The following INSR variants were observed in gnomAD, a reference collection of about 807,000 sequenced individuals.
The protein encoded by INSR is IR.
INSR carries 67 observed loss-of-function variants against 142.6 expected under a neutral mutation model. That is an observed-to-expected ratio of 0.47 (90% CI 0.39 to 0.58). The LOEUF is 0.58. Among genes scored for constraint, INSR ranks in the 20% least tolerant of loss-of-function variants. INSR has a pLI of 0.00. For synonymous variants in INSR, 756 were observed against 743.1 expected, an observed-to-expected ratio of 1.02 and a Z score of -0.28; for missense variants, 1,248 against 1,833.2, an observed-to-expected ratio of 0.68 and a Z score of 5.83.
intron 1 of INSR, among the ~76,000 whole-genome samples, chr19:7,282,180 C>T (rs1462871329): frequency 6.6e-6 from 1 of 152,010 alleles, no homozygotes; most frequent in Non-Finnish European, 1.5e-5. Context: ...GCCTGGCCAA[C>T]ATGGTGAAAC....
rs1329146999 is a variant in INSR at position 7,173,917 on chromosome 19, C to T, written c.1123+666G>A. ...GATTACAGGCATGAGCCACTGCACC[C>T]GGCCCTGAGATTTATTTCTGAAAAC... On this transcript the variant is annotated intron_variant, in intron 4 of 21. Transcript: ENST00000302850. Among the ~76,000 whole-genome samples the T allele has an allele frequency of 2.6e-5, 4 of 152,050 alleles. No individual in the cohort carries two copies. The East Asian group carries it at 7.8e-4, about 30-fold the overall frequency.
intron 10 of INSR, among the ~76,000 whole-genome samples, chr19:7,151,549 G>C (rs1973361562): frequency 6.6e-6 from 1 of 151,286 alleles, no homozygotes; most frequent in Non-Finnish European, 1.5e-5. Context: ...GCCTCCCAAA[G>C]TGCTGGGATT....
At chr19:7,201,667 C>CTTTTTTT (rs570519539) in intron 2 of INSR, among the ~76,000 whole-genome samples, 10,191 of 127,362 alleles carry the variant, frequency 0.08, 622 homozygotes, top group African/African-American at 0.12. Flanking sequence ...TATTTTCATT[C>CTTTTTTT]TTTTTTTTTT....
intron 2 of INSR, among the ~76,000 whole-genome samples, chr19:7,244,250 T>C (rs549430642): frequency 6.6e-6 from 1 of 152,072 alleles, no homozygotes; most frequent in East Asian, 1.9e-4. Context: ...TTGAACAAAT[T>C]GGCTGGGCGC....
intron 9 of INSR, among the ~76,000 whole-genome samples, chr19:7,162,786 C>T (rs1227765189): frequency 6.6e-6 from 1 of 152,036 alleles, no homozygotes; most frequent in African/African-American, 2.4e-5. Context: ...CGTCATTGCA[C>T]TCCAGCCTGG....
rs531613079 is a variant in INSR, at chr19:7,124,541, GAAAAA to G, written c.3258+737_3258+741del. ...ACAACAAAGCGAGACTCCGTTTCAG[GAAAAA>G]AAAAAAAAAAAAAAAAAAAAAAAAA... On this transcript the variant is annotated intron_variant, in intron 17 of 21. Coordinates refer to ENST00000302850, the MANE Select transcript of INSR (RefSeq NM_000208.4). Among the ~76,000 whole-genome samples, 3 of 9,924 alleles carry G rather than the reference GAAAAA, an allele frequency of 3.0e-4. 1 individual carries two copies. Among genetic ancestry groups the G allele is most frequent in the Non-Finnish European group, 1.6e-4 (1 of 6,074 alleles). 6.5% of individuals were successfully genotyped at this position (9,924 alleles called of 152,430 possible).
chr19:7,265,383 G>A (rs143030939), intron 2 of INSR, among the ~76,000 whole-genome samples: 213 of 152,160 alleles, frequency 1.4e-3, no homozygotes, highest in Admixed American at 2.3e-3. Context: ...GAAACGAAAC[G>A]CCCGTTGAGT....
rs111519845 is a variant in INSR at position 7,263,192 on chromosome 19, T to C, written c.652+4153A>G. Reference sequence around the variant, plus strand: ...CACTCGGAAGGCTGAGGCAGGAGAATCATTTGAATCCAGGAGGCGGAGGTT... The same window carrying C: ...CACTCGGAAGGCTGAGGCAGGAGAACCATTTGAATCCAGGAGGCGGAGGTT... On this transcript the variant is annotated intron_variant, in intron 2 of 21. Transcript: ENST00000302850. Among the ~76,000 whole-genome samples the C allele has an allele frequency of 5.7e-3, 863 of 151,484 alleles. 6 individuals carry two copies. Among genetic ancestry groups the C allele is most frequent in the African/African-American group, 0.02 (818 of 41,246 alleles).
At chr19:7,155,459 A>C (rs2144906534) in intron 9 of INSR, among the ~76,000 whole-genome samples, 2 of 149,666 alleles carry the variant, frequency 1.3e-5, no homozygotes, top group South Asian at 4.2e-4. Context: ...AATCACTTGA[A>C]CCTGGAAGGC....
intron 4 of INSR, among the ~76,000 whole-genome samples, chr19:7,173,743 CTG>C (rs1974073057): frequency 6.6e-6 from 1 of 151,384 alleles, no homozygotes; most frequent in Admixed American, 6.6e-5. Context: ...CCTCAGCCTC[CTG>C]CGTAGCTGGG....
At chr19:7,131,428 C>G (rs1386377968) in intron 14 of INSR, among the ~76,000 whole-genome samples, 11 of 151,786 alleles carry the variant, frequency 7.2e-5, no homozygotes, top group Admixed American at 2.6e-4. Context: ...TCACTGCAAG[C>G]TCTGCTTCCC....
chr19:7,289,462 A>T (rs984813070), intron 1 of INSR, among the ~76,000 whole-genome samples: 2 of 149,562 alleles, frequency 1.3e-5, no homozygotes, highest in Non-Finnish European at 3.0e-5. Flanking sequence ...CTAGAATGCA[A>T]TGGTGTGATC....
chr19:7,294,272 C>T lies in INSR; in HGVS notation c.-381G>A, dbSNP rs1379004246. Among the ~76,000 whole-genome samples the T allele has an allele frequency of 6.7e-6, 1 of 148,666 alleles. No individual in the cohort carries two copies. Among genetic ancestry groups the T allele is most frequent in the Non-Finnish European group, 1.5e-5 (1 of 66,940 alleles). On this transcript the variant is annotated 5_prime_UTR_variant, in exon 1 of 22. Coordinates refer to ENST00000302850, the MANE Select transcript of INSR (RefSeq NM_000208.4). The stretch of plus-strand genomic sequence containing the variant: ...CTCCGGGACAGAGGGACGCGCGGAC[C>T]GACGGACTAGCTGACTGGCGGGCGG...
Position 7,117,034 on chromosome 19 carries a change from G to GC in INSR, c.*21dup. 1.3e-6 allele frequency: 2 copies of GC among 1,540,724 alleles called. No individual in the cohort carries two copies. Among genetic ancestry groups the GC allele is most frequent in the East Asian group, 2.5e-5 (1 of 40,522 alleles). On this transcript the variant is annotated 3_prime_UTR_variant, in exon 22 of 22. Transcript: ENST00000302850. ...AAAGCGAAAATGGGAACCCCTGCCC[G>GC]CCCCCGCCACGGTAGGCACTGTTAG...
intron 2 of INSR, among the ~76,000 whole-genome samples, chr19:7,227,478 G>A (rs1046301973): frequency 5.3e-5 from 8 of 152,062 alleles, no homozygotes; most frequent in African/African-American, 1.7e-4. Context: ...TCACCAAGTT[G>A]CCCAGGCTGG....
At chr19:7,183,837 C>T (rs1400433103) in intron 3 of INSR, among the ~76,000 whole-genome samples, 3 of 151,872 alleles carry the variant, frequency 2.0e-5, no homozygotes, top group Admixed American at 2.0e-4. Flanking sequence ...GGCAGGTGGA[C>T]CACCTGAGGT....
chr19:7,224,412 C>T (rs142271445), intron 2 of INSR, among the ~76,000 whole-genome samples: 308 of 152,190 alleles, frequency 2.0e-3, no homozygotes, highest in African/African-American at 6.2e-3. Flanking sequence ...CAAACAGAGG[C>T]GTGCAGCGAA....
chr19:7,124,035 C>T (rs1187479126), intron 17 of INSR, among the ~76,000 whole-genome samples: 2 of 151,582 alleles, frequency 1.3e-5, no homozygotes, highest in Non-Finnish European at 2.9e-5. Context: ...TCCTGGCTAA[C>T]ACAGTGAAAC....
chr19:7,222,127 T>TTAAAA (rs1356174716), intron 2 of INSR, among the ~76,000 whole-genome samples: 24 of 126,290 alleles, frequency 1.9e-4, no homozygotes, highest in African/African-American at 6.2e-4. Flanking sequence ...ATGTCCTCGG[T>TTAAAA]AAAAAAAAAA....
Sources: gnomAD v4.1 joint callset for allele counts (sites outside exome capture counted in the v4.1 genomes callset) on GRCh38, gnomAD v4.1.1 for gene constraint, MANE v1.5 for transcripts, NCBI Gene and HGNC (gene_info 2026-07-23, HGNC 2026-07-21) for gene names.